ZFHX3: variants seen among roughly 807,000 people sequenced by gnomAD.
ZFHX3 encodes the protein zinc finger homeobox protein 3.
A neutral mutation model predicts 279.1 loss-of-function variants in ZFHX3; 42 were observed. The observed-to-expected ratio is 0.15, with a 90% CI of 0.12 to 0.19. The LOEUF (loss-of-function observed/expected upper bound fraction) is 0.19, where lower values mean the gene tolerates loss of function less well. Among genes scored for constraint, ZFHX3 ranks in the 10% least tolerant of loss-of-function variants. The pLI is 1.00. For missense variants in ZFHX3, 4,981 were observed against 4,754.0 expected, an observed-to-expected ratio of 1.05 and a Z score of -1.40; for synonymous variants, 2,293 against 1,957.8, an observed-to-expected ratio of 1.17 and a Z score of -4.52.
intron 1 of ZFHX3, among the ~76,000 whole-genome samples, chr16:73,790,633 G>A (rs1335361741): frequency 1.3e-5 from 2 of 152,208 alleles, no homozygotes; most frequent in African/African-American, 2.4e-5. Context: ...TTGCCCTTGA[G>A]TACACTTGAG....
chr16:73,627,687 G>C (rs1053041529), intron 2 of ZFHX3, among the ~76,000 whole-genome samples: 1 of 152,192 alleles, frequency 6.6e-6, no homozygotes, highest in Non-Finnish European at 1.5e-5. Flanking sequence ...GGGAGGCCGA[G>C]GCAGGTGGAT....
intron 1 of ZFHX3, among the ~76,000 whole-genome samples, chr16:73,881,684 G>A (rs904171787): frequency 3.3e-5 from 5 of 151,936 alleles, no homozygotes; most frequent in African/African-American, 1.2e-4. Context: ...CTATATGTGT[G>A]TGTGTGTGTA....
intron 1 of ZFHX3, among the ~76,000 whole-genome samples, chr16:73,749,439 G>A (rs1206522123): frequency 1.3e-5 from 2 of 152,052 alleles, no homozygotes. Context: ...CATCTGTAGT[G>A]CTTTCTCATA....
At chr16:73,436,830 G>A (rs956609871) in intron 3 of ZFHX3, among the ~76,000 whole-genome samples, 14 of 152,106 alleles carry the variant, frequency 9.2e-5, no homozygotes, top group African/African-American at 3.4e-4. Flanking sequence ...TCTGGTAGAT[G>A]GACACCAAAG....
intron 2 of ZFHX3, among the ~76,000 whole-genome samples, chr16:73,501,328 G>T (rs544515578): frequency 2.0e-5 from 3 of 152,182 alleles, no homozygotes; most frequent in Admixed American, 2.0e-4. Context: ...AGTGATACAT[G>T]GTTGTACACA....
chr16:73,561,198 A>T (rs73602954), intron 2 of ZFHX3, among the ~76,000 whole-genome samples: 20,390 of 152,196 alleles, frequency 0.13, 1,451 homozygotes, highest in Admixed American at 0.19. Flanking sequence ...TTTCAGAGAC[A>T]GGAGACTGAA....
chr16:72,982,653 T>C lies in ZFHX3; in HGVS notation c.-49-22459A>G, dbSNP rs78566566. ...GACCAGAACAGTGATGGCAAGACATTAAGTCGTAAATTTTTACATAGGCCA... is the reference window on the plus strand; with the variant it reads ...GACCAGAACAGTGATGGCAAGACATCAAGTCGTAAATTTTTACATAGGCCA... On this transcript the variant is annotated intron_variant, in intron 1 of 9. Coordinates refer to ENST00000268489, the MANE Select transcript of ZFHX3 (RefSeq NM_006885.4). 2.1e-3 allele frequency among the ~76,000 whole-genome samples: 327 copies of C among 152,254 alleles called. 1 individual carries two copies. The highest frequency in any genetic ancestry group is 7.5e-3 in the African/African-American group (313 of 41,554).
intron 2 of ZFHX3, among the ~76,000 whole-genome samples, chr16:73,546,420 T>A (rs1249317507): frequency 6.6e-6 from 1 of 151,464 alleles, no homozygotes; most frequent in Admixed American, 6.6e-5. Flanking sequence ...CTGGAGGTAG[T>A]TTGGGTAGCT....
At chr16:73,495,722 T>C (rs948290110) in intron 2 of ZFHX3, among the ~76,000 whole-genome samples, 5 of 152,144 alleles carry the variant, frequency 3.3e-5, no homozygotes, top group African/African-American at 1.2e-4. Context: ...CAGAAACAAA[T>C]CTTAGGACCT....
chr16:73,557,276 T>C (rs2020301999), intron 2 of ZFHX3, among the ~76,000 whole-genome samples: 1 of 150,658 alleles, frequency 6.6e-6, no homozygotes, highest in Admixed American at 6.6e-5. Flanking sequence ...CCAAGGAGAG[T>C]AGCGCTTTGG....
chr16:73,189,581 A>T (rs1311411160), intron 5 of ZFHX3, among the ~76,000 whole-genome samples: 1 of 152,206 alleles, frequency 6.6e-6, no homozygotes, highest in African/African-American at 2.4e-5. Flanking sequence ...TAGTTTTGGA[A>T]GCAGTGAGTG....
rs147366507 is a variant in ZFHX3, at chr16:73,177,430, G to A, written c.-1103-33599C>T. ...ATGTTTCTTTAATGTGACACATATC[G>A]TCATAATGGCACCTTACATTTAGAG... On this transcript the variant is annotated intron_variant, in intron 5 of 17. Coordinates refer to the ZFHX3 transcript ENST00000641206. 7.2e-5 allele frequency among the ~76,000 whole-genome samples: 11 copies of A among 152,260 alleles called. No individual in the cohort carries two copies. In the East Asian group the frequency reaches 7.7e-4, roughly 11 times the overall value.
chr16:73,753,965 T>A (rs1343673848), intron 1 of ZFHX3, among the ~76,000 whole-genome samples: 1 of 133,828 alleles, frequency 7.5e-6, no homozygotes, highest in African/African-American at 2.9e-5. Flanking sequence ...CAAATAGTAA[T>A]GAGAAAAATA....
intron 5 of ZFHX3, among the ~76,000 whole-genome samples, chr16:73,169,274 A>G (rs1265979929): frequency 4.6e-5 from 7 of 152,226 alleles, no homozygotes; most frequent in Non-Finnish European, 8.8e-5. Flanking sequence ...GCTGAAATAG[A>G]CTAAGGGCAT....
At chr16:73,817,404 T>G (rs987263550) in intron 1 of ZFHX3, among the ~76,000 whole-genome samples, 1 of 152,214 alleles carries the variant, frequency 6.6e-6, no homozygotes, top group African/African-American at 2.4e-5. Flanking sequence ...CTGTCATCAC[T>G]AATCCTGCAA....
At chr16:72,978,000 G>A (rs982693469) in intron 1 of ZFHX3, among the ~76,000 whole-genome samples, 3 of 152,202 alleles carry the variant, frequency 2.0e-5, no homozygotes, top group African/African-American at 7.2e-5. Context: ...GAGTAGCTGG[G>A]ACCACAGGCG....
chr16:73,333,702 A>G (rs750593027), intron 3 of ZFHX3, among the ~76,000 whole-genome samples: 34 of 151,868 alleles, frequency 2.2e-4, no homozygotes, highest in Non-Finnish European at 4.4e-4. Flanking sequence ...AAGAACTGGA[A>G]AAGGAGAAGG....
At chr16:73,806,065 G>A (rs1960268238) in intron 1 of ZFHX3, among the ~76,000 whole-genome samples, 1 of 152,226 alleles carries the variant, frequency 6.6e-6, no homozygotes, top group African/African-American at 2.4e-5. Context: ...CAGGGTGGCA[G>A]GAGACAGAAT....
At position 73,048,012 on chromosome 16, in the gene ZFHX3, CCGGGACGCGGCGGGGATTCACCCA is replaced by C. The variant is rs1036645194; in HGVS notation, c.-334_-311del. On this transcript the variant is annotated 5_prime_UTR_variant, in exon 1 of 10. Coordinates refer to ENST00000268489, the MANE Select transcript of ZFHX3 (RefSeq NM_006885.4). ...TCGGCCCGTCCCCGGAGGGAGGTCC[CCGGGACGCGGCGGGGATTCACCCA>C]CGGGGCGCGGCGCTGGCGTCCGGGT... The C allele has an allele frequency of 6.6e-6, 1 of 151,306 alleles. No homozygotes were observed. The highest frequency in any genetic ancestry group is 1.5e-5 in the Non-Finnish European group (1 of 67,642). 9.4% of individuals were successfully genotyped at this position (151,306 alleles called of 1,614,324 possible).
Sources: gnomAD v4.1 joint callset for allele counts (sites outside exome capture counted in the v4.1 genomes callset) on GRCh38, gnomAD v4.1.1 for gene constraint, MANE v1.5 for transcripts, NCBI Gene and HGNC (gene_info 2026-07-23, HGNC 2026-07-21) for gene names.